Variants in ATRNL1 observed in about 807,000 individuals in gnomAD.
ATRNL1 encodes attractin like 1, also known as attractin-like protein 1.
Under a neutral mutation model 182.7 loss-of-function variants are expected in ATRNL1, and 95 were observed. That is an observed-to-expected ratio of 0.52 (90% CI 0.44 to 0.62). The LOEUF (loss-of-function observed/expected upper bound fraction) is 0.62, where lower values mean the gene tolerates loss of function less well. ATRNL1 is among the 20% of genes least tolerant of loss of function. The pLI, the probability that ATRNL1 is intolerant of heterozygous loss-of-function variation, is 0.00. For synonymous variants in ATRNL1, 576 were observed against 568.3 expected (o/e 1.01, Z -0.19); for missense variants, 1,471 against 1,679.5 (o/e 0.88, Z 2.17).
chr10:115,644,051 G>T (rs1304446986), intron 26 of ATRNL1, among the ~76,000 whole-genome samples: 1 of 152,040 alleles, frequency 6.6e-6, no homozygotes, highest in Non-Finnish European at 1.5e-5. Flanking sequence ...ACCAAAACCT[G>T]GGAACAATCT....
chr10:115,268,506 C>A, intron 13 of ATRNL1, 62 bp downstream of exon 13: 1 of 1,161,282 alleles, frequency 8.6e-7, no homozygotes, highest in Non-Finnish European at 1.3e-6. Flanking sequence ...TGATCATTAG[C>A]TTACCATTTA....
chr10:115,218,782 A>T (rs191739455), intron 9 of ATRNL1, among the ~76,000 whole-genome samples: 106 of 152,328 alleles, frequency 7.0e-4, no homozygotes, highest in African/African-American at 2.5e-3. Flanking sequence ...CAGGTTGAAT[A>T]TGTCACACAA....
At chr10:115,394,055 T>C (rs913889720) in intron 19 of ATRNL1, among the ~76,000 whole-genome samples, 1 of 152,088 alleles carries the variant, frequency 6.6e-6, no homozygotes, top group Admixed American at 6.6e-5. Flanking sequence ...ATAGATGTTC[T>C]TTTTTAAAAC....
At chr10:115,770,974 T>C (rs1432142895) in intron 27 of ATRNL1, among the ~76,000 whole-genome samples, 1 of 152,158 alleles carries the variant, frequency 6.6e-6, no homozygotes, top group Non-Finnish European at 1.5e-5. Context: ...ATAAAGTATA[T>C]TAAAATTTGT....
chr10:115,626,187 G>A lies in ATRNL1; in HGVS notation c.3795+76651G>A, dbSNP rs61881122. On this transcript the variant is annotated intron_variant, in intron 26 of 28. Transcript: ENST00000355044. The stretch of plus-strand genomic sequence containing the variant: ...ATACACTTACTTTGTTAAAAATAAA[G>A]AGAACTTAAAAACAATGGCATACAT... Among the ~76,000 whole-genome samples the A allele has an allele frequency of 5.1e-3, 773 of 152,218 alleles. 7 individuals are homozygous for A. The highest frequency in any genetic ancestry group is 0.011 in the South Asian group (54 of 4,818).
intron 24 of ATRNL1, among the ~76,000 whole-genome samples, chr10:115,481,997 A>G (rs1338602237): frequency 2.0e-5 from 3 of 150,968 alleles, no homozygotes; most frequent in African/African-American, 7.3e-5. Flanking sequence ...AGCTACTGAT[A>G]CCTTTAAGAA....
intron 25 of ATRNL1, among the ~76,000 whole-genome samples, chr10:115,536,239 C>G (rs556801968): frequency 1.3e-5 from 2 of 152,266 alleles, no homozygotes; most frequent in African/African-American, 4.8e-5. Flanking sequence ...ACAGGCAGAC[C>G]TCCTTGAGCT....
chr10:115,507,761 A>G (rs1850186945), intron 24 of ATRNL1, among the ~76,000 whole-genome samples: 1 of 152,072 alleles, frequency 6.6e-6, no homozygotes, highest in Non-Finnish European at 1.5e-5. Flanking sequence ...GTAGAAGTAT[A>G]TGTAGAGAAA....
chr10:115,621,399 G>A (rs2133806099), intron 26 of ATRNL1, among the ~76,000 whole-genome samples: 1 of 151,190 alleles, frequency 6.6e-6, no homozygotes, highest in African/African-American at 2.4e-5. Flanking sequence ...TGACCTCCTG[G>A]GCTCAGGGAA....
At chr10:115,727,445 A>G in intron 27 of ATRNL1, 90 bp downstream of exon 27, 1 of 960,754 alleles carries the variant, frequency 1.0e-6, no homozygotes, top group Non-Finnish European at 1.6e-6. Flanking sequence ...GAAGCCAAAC[A>G]GAGTCTGATT....
intron 26 of ATRNL1, among the ~76,000 whole-genome samples, chr10:115,598,272 A>C (rs1555014802): frequency 6.6e-6 from 1 of 151,372 alleles, no homozygotes; most frequent in African/African-American, 2.4e-5. Context: ...GAAATATAGA[A>C]ATTTAAATTG....
At chr10:115,631,302 T>G in intron 26 of ATRNL1, among the ~76,000 whole-genome samples, 1 of 151,888 alleles carries the variant, frequency 6.6e-6, no homozygotes. Flanking sequence ...TATGTATATG[T>G]ATATCAAAAT....
At chr10:115,603,974 T>C (rs1555016792) in intron 26 of ATRNL1, among the ~76,000 whole-genome samples, 1 of 152,160 alleles carries the variant, frequency 6.6e-6, no homozygotes, top group Non-Finnish European at 1.5e-5. Context: ...TTCTTTTTCA[T>C]CTTTGTCTAG....
intron 10 of ATRNL1, among the ~76,000 whole-genome samples, chr10:115,250,445 C>G (rs1554905146): frequency 2.0e-5 from 3 of 152,164 alleles, no homozygotes; most frequent in African/African-American, 7.2e-5. Flanking sequence ...CTACCAATAA[C>G]TATAGTATGT....
chr10:115,704,286 C>T (rs1946830445), intron 26 of ATRNL1, among the ~76,000 whole-genome samples: 1 of 151,830 alleles, frequency 6.6e-6, no homozygotes. Context: ...TTGCCTTCTT[C>T]ATATGGCATT....
intron 20 of ATRNL1, among the ~76,000 whole-genome samples, chr10:115,408,045 G>A (rs574568868): frequency 1.4e-4 from 19 of 132,934 alleles, no homozygotes; most frequent in South Asian, 7.3e-4. Flanking sequence ...CGCCCAGGCC[G>A]GACTGCGGAC....
intron 25 of ATRNL1, among the ~76,000 whole-genome samples, chr10:115,539,804 T>A (rs1852246371): frequency 1.3e-5 from 2 of 152,118 alleles, no homozygotes; most frequent in South Asian, 4.1e-4. Context: ...GAGCTCTGGC[T>A]ACAGAGAGCC....
intron 28 of ATRNL1, among the ~76,000 whole-genome samples, chr10:115,870,767 C>A (rs1479498682): frequency 6.6e-6 from 1 of 152,178 alleles, no homozygotes; most frequent in Non-Finnish European, 1.5e-5. Flanking sequence ...GATTTAATTC[C>A]TAGCTCTACA....
At chr10:115,646,065 A>ACACACACACT (rs1479580077) in intron 26 of ATRNL1, among the ~76,000 whole-genome samples, 11 of 151,860 alleles carry the variant, frequency 7.2e-5, no homozygotes, top group African/African-American at 2.7e-4. Flanking sequence ...ACACACACAC[A>ACACACACACT]CACAAACATA....
Sources: allele counts gnomAD v4.1 joint callset (sites outside exome capture counted in the v4.1 genomes callset), GRCh38; gene constraint gnomAD v4.1.1; transcripts MANE v1.5; gene names NCBI Gene and HGNC (gene_info 2026-07-23, HGNC 2026-07-21).